PREX1: variants seen among roughly 807,000 people sequenced by gnomAD.
PREX1 encodes the protein phosphatidylinositol-3,4,5-trisphosphate dependent Rac exchange factor 1.
PREX1 carries 41 observed loss-of-function variants against 198.3 expected under a neutral mutation model. That is an observed-to-expected ratio of 0.21 (90% CI 0.16 to 0.27). PREX1 has a LOEUF of 0.27. Among genes scored for constraint, PREX1 ranks in the 10% least tolerant of loss-of-function variants. PREX1 has a pLI of 1.00. For missense variants in PREX1, 1,620 were observed against 2,200.7 expected (o/e 0.74, Z 5.28); for synonymous variants, 843 against 887.2 (o/e 0.95, Z 0.89).
chr20:48,652,159 C>T (rs2089503196), intron 21 of PREX1, among the ~76,000 whole-genome samples: 1 of 152,144 alleles, frequency 6.6e-6, no homozygotes, highest in Admixed American at 6.5e-5. Flanking sequence ...CGGCCGTGCG[C>T]AGTGGTGCAC....
chr20:48,814,472 C>G (rs1386193164), intron 1 of PREX1, among the ~76,000 whole-genome samples: 3 of 152,062 alleles, frequency 2.0e-5, no homozygotes, highest in Non-Finnish European at 4.4e-5. Context: ...GTCCTTGGTA[C>G]AAATCAGGGT....
intron 10 of PREX1, among the ~76,000 whole-genome samples, chr20:48,682,330 G>C (rs1291144986): frequency 6.6e-6 from 1 of 152,008 alleles, no homozygotes; most frequent in Non-Finnish European, 1.5e-5. Flanking sequence ...AATGGTCCCC[G>C]ACCCCTATCC....
At chr20:48,849,895 A>G in the PREX1 span, among the ~76,000 whole-genome samples, 1 of 152,174 alleles carries the variant, frequency 6.6e-6, no homozygotes, top group African/African-American at 2.4e-5. Context: ...AGGTAGCATC[A>G]AAGTTGTAGT....
intron 14 of PREX1, among the ~76,000 whole-genome samples, chr20:48,673,842 T>C (rs2089692058): frequency 1.3e-5 from 2 of 152,250 alleles, no homozygotes; most frequent in Non-Finnish European, 2.9e-5. Context: ...TTAACGTTTA[T>C]TGAGCAATTA....
chr20:48,716,808 C>T (rs2089964408), intron 5 of PREX1, among the ~76,000 whole-genome samples: 2 of 152,280 alleles, frequency 1.3e-5, no homozygotes, highest in Admixed American at 6.5e-5. Context: ...TCTCCTCTCC[C>T]TGGGTGGGTA....
chr20:48,839,762 A>G, the PREX1 span, among the ~76,000 whole-genome samples: 2 of 151,936 alleles, frequency 1.3e-5, no homozygotes, highest in Non-Finnish European at 2.9e-5. Context: ...GGCCCATGAA[A>G]TTTCTCCCAC....
intron 1 of PREX1, among the ~76,000 whole-genome samples, chr20:48,750,250 T>A (rs1249143976): frequency 1.3e-5 from 2 of 152,118 alleles, no homozygotes; most frequent in Non-Finnish European, 2.9e-5. Flanking sequence ...CAAGCCATCA[T>A]CATCTCCTGC....
At chr20:48,813,652 G>C (rs897881142) in intron 1 of PREX1, among the ~76,000 whole-genome samples, 18 of 152,134 alleles carry the variant, frequency 1.2e-4, no homozygotes, top group African/African-American at 4.3e-4. Flanking sequence ...GTGTGTGCAT[G>C]ATGGAGACAG....
chr20:48,647,722 T>G (rs908482514), intron 25 of PREX1, among the ~76,000 whole-genome samples: 2 of 152,124 alleles, frequency 1.3e-5, no homozygotes, highest in Admixed American at 6.5e-5. Context: ...GGGCCAGGAT[T>G]TGAACCCAGG....
chr20:48,771,335 T>C (rs984906458), intron 1 of PREX1, among the ~76,000 whole-genome samples: 2 of 151,596 alleles, frequency 1.3e-5, no homozygotes, highest in South Asian at 2.1e-4. Flanking sequence ...TCTGGGGATT[T>C]TCCCCCCATG....
At chr20:48,731,003 AAAAAC>A (rs1215779176) in intron 4 of PREX1, among the ~76,000 whole-genome samples, 1 of 152,164 alleles carries the variant, frequency 6.6e-6, no homozygotes, top group Non-Finnish European at 1.5e-5. Context: ...CTCAAAAAGC[AAAAAC>A]AAAACAAAAC....
At position 48,786,280 on chromosome 20, in the gene PREX1, A is replaced by G. The variant is rs78713305; in HGVS notation, c.220-38400T>C. On this transcript the variant is annotated intron_variant, in intron 1 of 39. Transcript: ENST00000371941. Reference sequence around the variant, plus strand: ...GCAACAAATCTATTTGCCTCCTTTCAGGGCATGTAGGTTTTGGACTTTCTA... The same window carrying G: ...GCAACAAATCTATTTGCCTCCTTTCGGGGCATGTAGGTTTTGGACTTTCTA... Among the ~76,000 whole-genome samples, 1,377 of 152,234 alleles carry G rather than the reference A, an allele frequency of 9.0e-3. 14 individuals are homozygous for G. The highest frequency in any genetic ancestry group is 0.028 in the African/African-American group (1,145 of 41,512).
At chr20:48,808,296 C>A (rs1011882222) in intron 1 of PREX1, among the ~76,000 whole-genome samples, 1 of 152,200 alleles carries the variant, frequency 6.6e-6, no homozygotes, top group Non-Finnish European at 1.5e-5. Context: ...ACTCCGGGAG[C>A]ACTTTACATT....
At chr20:48,805,875 C>G (rs2090409659) in intron 1 of PREX1, among the ~76,000 whole-genome samples, 1 of 152,158 alleles carries the variant, frequency 6.6e-6, no homozygotes, top group South Asian at 2.1e-4. Flanking sequence ...CTTCAATGTC[C>G]CCACCTGTAA....
At chr20:48,813,492 T>C (rs1311228093) in intron 1 of PREX1, among the ~76,000 whole-genome samples, 1 of 152,200 alleles carries the variant, frequency 6.6e-6, no homozygotes, top group Non-Finnish European at 1.5e-5. Flanking sequence ...CATTGTATCA[T>C]TTAGTATAAA....
intron 4 of PREX1, among the ~76,000 whole-genome samples, chr20:48,727,107 G>C (rs2090014064): frequency 6.6e-6 from 1 of 152,202 alleles, no homozygotes; most frequent in African/African-American, 2.4e-5. Flanking sequence ...AGACATGCGT[G>C]TTAAAGGAAT....
rs78459628 is a variant in PREX1 at position 48,715,144 on chromosome 20, C to A, written c.622-6723G>T. On this transcript the variant is annotated intron_variant, in intron 5 of 39. Coordinates refer to ENST00000371941, the MANE Select transcript of PREX1 (RefSeq NM_020820.4). ...ATACATGAACTTCCAGGGTTTGGCC[C>A]AGAGAAGAGTATTTCTGGAAGGAAC... 1.6e-4 allele frequency among the ~76,000 whole-genome samples: 24 copies of A among 152,258 alleles called. No individual in the cohort carries two copies. The East Asian group carries it at 4.4e-3, about 28-fold the overall frequency.
At chr20:48,677,382 A>AG (rs11481107) in intron 13 of PREX1, among the ~76,000 whole-genome samples, 60,689 of 152,050 alleles carry the variant, frequency 0.4, 13,009 homozygotes, top group African/African-American at 0.55. Context: ...ATCAGGTCAG[A>AG]GGACAGAAAA....
chr20:48,850,207 C>T, the PREX1 span, among the ~76,000 whole-genome samples: 4 of 152,102 alleles, frequency 2.6e-5, no homozygotes, highest in Non-Finnish European at 2.9e-5. Context: ...CTTTCTGGCC[C>T]GGGTGGGCTC....
Sources: gnomAD v4.1 joint callset for allele counts (sites outside exome capture counted in the v4.1 genomes callset) on GRCh38, gnomAD v4.1.1 for gene constraint, MANE v1.5 for transcripts, NCBI Gene and HGNC (gene_info 2026-07-23, HGNC 2026-07-21) for gene names.